PRKAR1A: variants seen among roughly 807,000 people sequenced by gnomAD.
The protein encoded by PRKAR1A is protein kinase cAMP-dependent type I regulatory subunit alpha.
Under a neutral mutation model 52.0 loss-of-function variants are expected in PRKAR1A, and 3 were observed. The ratio of observed to expected loss-of-function variants is 0.06; its 90% confidence interval spans 0.03 to 0.15. The LOEUF (loss-of-function observed/expected upper bound fraction) is 0.15. Among genes scored for constraint, PRKAR1A ranks in the 10% least tolerant of loss-of-function variants. PRKAR1A has a pLI of 1.00. For missense variants in PRKAR1A, 240 were observed against 477.4 expected (o/e 0.50, Z 4.63); for synonymous variants, 188 against 168.4 (o/e 1.12, Z -0.90).
chr17:68,453,824 A>C, the PRKAR1A span, among the ~76,000 whole-genome samples: 1 of 152,142 alleles, frequency 6.6e-6, no homozygotes, highest in Non-Finnish European at 1.5e-5. Flanking sequence ...GGTAAAATTT[A>C]ATAGATGCTT....
the PRKAR1A span, among the ~76,000 whole-genome samples, chr17:68,431,449 G>C: frequency 6.6e-6 from 1 of 152,102 alleles, no homozygotes; most frequent in Non-Finnish European, 1.5e-5. Flanking sequence ...TTCTGGGGGT[G>C]GTGGCTGCTG....
At chr17:68,475,328 A>T in the PRKAR1A span, among the ~76,000 whole-genome samples, 63 of 152,384 alleles carry the variant, frequency 4.1e-4, no homozygotes, top group African/African-American at 1.5e-3. Flanking sequence ...TTAAATCTTC[A>T]TATGTCAATA....
chr17:68,480,284 G>T, the PRKAR1A span, among the ~76,000 whole-genome samples: 3 of 152,030 alleles, frequency 2.0e-5, no homozygotes, highest in African/African-American at 7.2e-5. Flanking sequence ...ATTCTATTGC[G>T]AACTCATCTT....
At chr17:68,459,907 C>T in the PRKAR1A span, among the ~76,000 whole-genome samples, 1 of 150,954 alleles carries the variant, frequency 6.6e-6, no homozygotes, top group African/African-American at 2.4e-5. Context: ...TGCAACCTCT[C>T]CATCCCGGGT....
At chr17:68,473,928 A>G in the PRKAR1A span, among the ~76,000 whole-genome samples, 4 of 152,110 alleles carry the variant, frequency 2.6e-5, no homozygotes, top group African/African-American at 4.8e-5. Context: ...AAACTGGGAG[A>G]ATGGGATGGG....
At chr17:68,430,331 A>G in the PRKAR1A span, among the ~76,000 whole-genome samples, 1 of 152,286 alleles carries the variant, frequency 6.6e-6, no homozygotes, top group South Asian at 2.1e-4. Flanking sequence ...TTCTGGCAAT[A>G]ACTAAAGAGC....
the PRKAR1A span, among the ~76,000 whole-genome samples, chr17:68,473,711 C>T: frequency 2.0e-5 from 3 of 152,212 alleles, no homozygotes; most frequent in Middle Eastern, 3.4e-3. Flanking sequence ...TTACTAGAGA[C>T]GGGGTTTAAC....
intron 8 of PRKAR1A, among the ~76,000 whole-genome samples, chr17:68,528,306 A>AT (rs2085853881): frequency 6.6e-6 from 1 of 152,134 alleles, no homozygotes; most frequent in Non-Finnish European, 1.5e-5. Context: ...GGGAATGGGG[A>AT]TTTTTATAAG....
At chr17:68,549,543 T>G (rs965275199) in intron 11 of PRKAR1A, among the ~76,000 whole-genome samples, 4 of 152,152 alleles carry the variant, frequency 2.6e-5, no homozygotes, top group Admixed American at 2.0e-4. Context: ...CATAAAAATT[T>G]TGCTCGGAGA....
chr17:68,510,881 A>G (rs2085254961), upstream of PRKAR1A, among the ~76,000 whole-genome samples: 1 of 152,138 alleles, frequency 6.6e-6, no homozygotes, highest in South Asian at 2.1e-4. Flanking sequence ...GTACCCTTAG[A>G]GCCTGGTGGA....
At chr17:68,486,530 T>C in the PRKAR1A span, among the ~76,000 whole-genome samples, 307 of 124,336 alleles carry the variant, frequency 2.5e-3, no homozygotes, top group East Asian at 3.7e-3. Flanking sequence ...TCTTTCTTTC[T>C]TTCTTTCTTT....
intron 11 of PRKAR1A, among the ~76,000 whole-genome samples, chr17:68,545,467 G>A (rs1445026451): frequency 3.3e-5 from 5 of 152,318 alleles, no homozygotes; most frequent in African/African-American, 9.6e-5. Flanking sequence ...ATAGCATTAT[G>A]TCTGAAAAAT....
Position 68,527,828 on chromosome 17 carries a change from T to A in PRKAR1A, c.709-12T>A. 1.2e-6 allele frequency: 2 copies of A among 1,603,730 alleles called. No individual in the cohort carries two copies. The highest frequency in any genetic ancestry group is 1.7e-6 in the Non-Finnish European group (2 of 1,171,190). On this transcript the variant is annotated splice_polypyrimidine_tract_variant and intron_variant, in intron 7 of 10. Coordinates refer to ENST00000589228, the MANE Select transcript of PRKAR1A (RefSeq NM_002734.5). ...GTCTTGGGGATATCACTTTTGTTAT[T>A]TTTATTTTTAGGGAAGCACACTGAG...
Position 68,531,926 on chromosome 17 carries a change from AT to A in PRKAR1A, c.*1482del. The A allele has an allele frequency of 9.4e-7, 1 of 1,065,282 alleles. No homozygotes were observed. The highest frequency in any genetic ancestry group is 1.6e-5 in the African/African-American group (1 of 61,168). The allele number at this position is 1,065,282 out of a possible 1,614,324, so 66.0% of individuals were successfully genotyped here. A position where few individuals can be genotyped will look rare whatever the true frequency, so the allele number is the denominator to read the frequency against. ...GTTATATTTGGGAGTGACTGCAAGC[AT>A]TTTTCCATCTGTGTGCAACTAACTG... On this transcript the variant is annotated 3_prime_UTR_variant, in exon 11 of 11. Coordinates refer to ENST00000589228, the MANE Select transcript of PRKAR1A (RefSeq NM_002734.5).
the PRKAR1A span, among the ~76,000 whole-genome samples, chr17:68,502,000 A>C: frequency 6.6e-6 from 1 of 152,116 alleles, no homozygotes; most frequent in East Asian, 1.9e-4. Flanking sequence ...TTATTTTCTT[A>C]ATATCTCTCA....
chr17:68,510,749 G>C (rs2085253066), upstream of PRKAR1A, among the ~76,000 whole-genome samples: 1 of 152,194 alleles, frequency 6.6e-6, no homozygotes, highest in South Asian at 2.1e-4. Context: ...TGGGGAGTCA[G>C]TGAAAGGAGA....
At chr17:68,536,251 C>T (rs1405795082), downstream of PRKAR1A, 2 of 454,098 alleles carry the variant, frequency 4.4e-6, no homozygotes, top group Non-Finnish European at 8.8e-6. Context: ...CTCATGCTTA[C>T]AGTATTTGAA....
At position 68,531,147 on chromosome 17, in the gene PRKAR1A, T is replaced by G; in HGVS notation, c.*698T>G. On this transcript the variant is annotated 3_prime_UTR_variant, in exon 11 of 11. Coordinates refer to ENST00000589228, the MANE Select transcript of PRKAR1A (RefSeq NM_002734.5). Reference sequence around the variant, plus strand: ...TGAGTATGGCTATCTATACCTGCCTTTTAAGTTTGAAACTAACTCATAGAT... The same window carrying G: ...TGAGTATGGCTATCTATACCTGCCTGTTAAGTTTGAAACTAACTCATAGAT... The G allele has an allele frequency of 9.4e-7, 1 of 1,066,314 alleles. No individual in the cohort carries two copies. The highest frequency in any genetic ancestry group is 1.1e-6 in the Non-Finnish European group (1 of 879,566). 66.1% of individuals were successfully genotyped at this position (1,066,314 alleles called of 1,614,324 possible).
intron 11 of PRKAR1A, among the ~76,000 whole-genome samples, chr17:68,546,103 A>G (rs1449800925): frequency 1.4e-5 from 2 of 141,562 alleles, no homozygotes; most frequent in African/African-American, 5.2e-5. Flanking sequence ...CAGGAGGCAG[A>G]GGTTGCAGTG....
Sources: gnomAD v4.1 joint callset for allele counts (sites outside exome capture counted in the v4.1 genomes callset) on GRCh38, gnomAD v4.1.1 for gene constraint, MANE v1.5 for transcripts, NCBI Gene and HGNC (gene_info 2026-07-23, HGNC 2026-07-21) for gene names.